The following ITSN1 variants were observed in gnomAD, a reference collection of about 807,000 sequenced individuals.
ITSN1 encodes intersectin-1.
Under a neutral mutation model 239.8 loss-of-function variants are expected in ITSN1, and 58 were observed. The observed-to-expected ratio is 0.24, with a 90% CI of 0.20 to 0.30. The LOEUF (loss-of-function observed/expected upper bound fraction) is 0.30, where lower values mean the gene tolerates loss of function less well. Ranked by LOEUF, ITSN1 falls within the 10% of genes least tolerant of loss-of-function variation. The pLI is 1.00. For synonymous variants in ITSN1, 780 were observed against 770.8 expected (o/e 1.01, Z -0.20); for missense variants, 1,558 against 2,103.3 (o/e 0.74, Z 5.07).
chr21:33,679,269 T>TTATTC (rs1320254520), intron 1 of ITSN1, among the ~76,000 whole-genome samples: 2 of 152,336 alleles, frequency 1.3e-5, no homozygotes, highest in East Asian at 3.9e-4. Context: ...TTGTGTTCTC[T>TTATTC]TATTCCTATG....
intron 32 of ITSN1, among the ~76,000 whole-genome samples, chr21:33,866,530 G>C (rs191887698): frequency 5.5e-4 from 83 of 151,974 alleles, no homozygotes; most frequent in African/African-American, 1.9e-3. Context: ...TCCTCTCAGT[G>C]GGAATGTGGC....
intron 1 of ITSN1, among the ~76,000 whole-genome samples, chr21:33,665,223 A>G (rs1459107384): frequency 1.3e-5 from 2 of 152,178 alleles, no homozygotes; most frequent in East Asian, 1.9e-4. Flanking sequence ...AGGCCGCACC[A>G]TTGCACTCTA....
chr21:33,822,179 T>C (rs563832859), intron 24 of ITSN1, among the ~76,000 whole-genome samples: 3 of 152,350 alleles, frequency 2.0e-5, no homozygotes, highest in Admixed American at 6.5e-5. Flanking sequence ...AAGGAGGCCC[T>C]TGTTGCTCCA....
At chr21:33,783,843 C>A (rs2147914742) in intron 16 of ITSN1, among the ~76,000 whole-genome samples, 1 of 152,240 alleles carries the variant, frequency 6.6e-6, no homozygotes, top group African/African-American at 2.4e-5. Context: ...AGAAATTTGA[C>A]TCCCCTAAAA....
At chr21:33,684,432 T>G (rs2091134893) in intron 1 of ITSN1, among the ~76,000 whole-genome samples, 1 of 152,222 alleles carries the variant, frequency 6.6e-6, no homozygotes, top group Non-Finnish European at 1.5e-5. Context: ...TGGAATAGCA[T>G]GATTAATGAG....
intron 1 of ITSN1, among the ~76,000 whole-genome samples, chr21:33,691,185 A>G (rs991341926): frequency 6.6e-6 from 1 of 152,044 alleles, no homozygotes; most frequent in Non-Finnish European, 1.5e-5. Context: ...TTGAGGCAGG[A>G]CCTGTGTCTT....
chr21:33,813,110 T>C (rs902956805), intron 21 of ITSN1, among the ~76,000 whole-genome samples: 1 of 152,178 alleles, frequency 6.6e-6, no homozygotes, highest in African/African-American at 2.4e-5. Flanking sequence ...CAACTAACCT[T>C]AAGTGGCACA....
chr21:33,719,308 G>C (rs1037736169), intron 2 of ITSN1, among the ~76,000 whole-genome samples: 1 of 152,186 alleles, frequency 6.6e-6, no homozygotes, highest in Non-Finnish European at 1.5e-5. Context: ...GGGCGTGGTG[G>C]CAGGCACCTG....
intron 33 of ITSN1, among the ~76,000 whole-genome samples, chr21:33,874,851 G>A (rs1280525492): frequency 6.6e-6 from 1 of 152,110 alleles, no homozygotes; most frequent in Non-Finnish European, 1.5e-5. Context: ...GTTTCACCAT[G>A]TTGGCCAGGA....
chr21:33,646,832 A>G (rs1227417841), intron 1 of ITSN1, among the ~76,000 whole-genome samples: 2 of 152,172 alleles, frequency 1.3e-5, no homozygotes, highest in African/African-American at 4.8e-5. Context: ...TCTGTTGCTT[A>G]AAAAAGAAGT....
chr21:33,760,634 T>C (rs2068246675), intron 8 of ITSN1, among the ~76,000 whole-genome samples: 1 of 152,182 alleles, frequency 6.6e-6, no homozygotes, highest in Non-Finnish European at 1.5e-5. Flanking sequence ...CAGCAAAGTC[T>C]AGACTAAGCC....
chr21:33,709,959 G>A (rs1268183139), intron 1 of ITSN1, among the ~76,000 whole-genome samples: 2 of 152,052 alleles, frequency 1.3e-5, no homozygotes, highest in African/African-American at 2.4e-5. Flanking sequence ...CCTGATCTCA[G>A]GCTGAGAAAT....
intron 5 of ITSN1, among the ~76,000 whole-genome samples, chr21:33,739,840 G>A (rs1279137067): frequency 6.6e-6 from 1 of 152,230 alleles, no homozygotes; most frequent in African/African-American, 2.4e-5. Flanking sequence ...GCAGAAGAGT[G>A]ACGTGGTTGA....
chr21:33,710,888 C>T (rs1374643519), intron 1 of ITSN1, among the ~76,000 whole-genome samples: 6 of 151,486 alleles, frequency 4.0e-5, no homozygotes, highest in African/African-American at 1.5e-4. Context: ...TCACTGCAAC[C>T]TCCGCCTCTT....
intron 29 of ITSN1, among the ~76,000 whole-genome samples, chr21:33,850,407 G>A (rs1014182787): frequency 6.6e-6 from 1 of 152,158 alleles, no homozygotes; most frequent in Non-Finnish European, 1.5e-5. Context: ...TCACCTCTGT[G>A]CCCACCGGCT....
intron 15 of ITSN1, 99 bp from the exon 16 acceptor site, chr21:33,781,895 C>T: frequency 8.3e-7 from 1 of 1,204,766 alleles, no homozygotes; most frequent in Non-Finnish European, 1.2e-6. Flanking sequence ...TATTTTTTAA[C>T]CAGCAAGAAT....
Position 33,866,920 on chromosome 21 carries a change from G to A in ITSN1, c.4075-313G>A, listed in dbSNP as rs192208226. Among the ~76,000 whole-genome samples, 915 of 138,098 alleles carry A rather than the reference G, an allele frequency of 6.6e-3. 8 individuals are homozygous for A. Among genetic ancestry groups the A allele is most frequent in the African/African-American group, 0.021 (842 of 39,356 alleles). 90.6% of individuals were successfully genotyped at this position (138,098 alleles called of 152,430 possible). On this transcript the variant is annotated intron_variant, in intron 32 of 39. Transcript: ENST00000381318. Reference sequence around the variant, plus strand: ...ATAAAGTTTCTGCAGACATCCAGACGAAATATTCTGTGTAAAGCCAGAATC... The same window carrying A: ...ATAAAGTTTCTGCAGACATCCAGACAAAATATTCTGTGTAAAGCCAGAATC...
chr21:33,759,771 G>T (rs2068163663), intron 8 of ITSN1, among the ~76,000 whole-genome samples: 1 of 152,114 alleles, frequency 6.6e-6, no homozygotes, highest in Admixed American at 6.5e-5. Flanking sequence ...ATTAATAGTA[G>T]CCCTAATTGA....
At position 33,768,915 on chromosome 21, in the gene ITSN1, C is replaced by A. The variant is rs79829507; in HGVS notation, c.1042+1087C>A. ...AATGTTAATACATGGTTCATACTTT[C>A]TAGAACCTTTAAAATATATTAGAGG... On this transcript the variant is annotated intron_variant, in intron 11 of 39. Transcript: ENST00000381318. Among the ~76,000 whole-genome samples, 468 of 152,316 alleles carry A rather than the reference C, an allele frequency of 3.1e-3. 3 individuals are homozygous for A. Among genetic ancestry groups the A allele is most frequent in the African/African-American group, 0.011 (441 of 41,570 alleles).
Sources: allele counts gnomAD v4.1 joint callset (sites outside exome capture counted in the v4.1 genomes callset), GRCh38; gene constraint gnomAD v4.1.1; transcripts MANE v1.5; gene names NCBI Gene and HGNC (gene_info 2026-07-23, HGNC 2026-07-21).